The following SDK2 variants were observed in gnomAD, a reference collection of about 807,000 sequenced individuals.
The protein encoded by SDK2 is protein sidekick-2.
A neutral mutation model predicts 253.9 loss-of-function variants in SDK2; 105 were observed. The observed-to-expected ratio is 0.41, with a 90% confidence interval of 0.35 to 0.49. The LOEUF (loss-of-function observed/expected upper bound fraction) is 0.49. SDK2 is among the 20% of genes least tolerant of loss of function. The probability of loss-of-function intolerance (pLI) is 0.06; values close to 1 mark genes in which losing one functional copy is unlikely to be tolerated. For synonymous variants in SDK2, 1,249 were observed against 1,234.9 expected, an observed-to-expected ratio of 1.01 and a Z score of -0.24; for missense variants, 2,608 against 3,003.0, an observed-to-expected ratio of 0.87 and a Z score of 3.07.
rs1033379565 is a variant in SDK2 at position 73,570,138 on chromosome 17, G to A, written c.65-62541C>T. On this transcript the variant is annotated intron_variant, in intron 1 of 44. Transcript: ENST00000392650. This position sits in a 1 kb window ranked among gnomAD's most constrained non-coding sequence, Gnocchi z 4.2. ...GGCCCCCCAGAGCCCCTCTTGGGGAGAGACTGGGACTGCTGAGCTTGGTGG... is the reference window on the plus strand; with the variant it reads ...GGCCCCCCAGAGCCCCTCTTGGGGAAAGACTGGGACTGCTGAGCTTGGTGG... 6.6e-6 allele frequency among the ~76,000 whole-genome samples: 1 copy of A among 152,106 alleles called. No individual in the cohort carries two copies. The highest frequency in any genetic ancestry group is 1.5e-5 in the Non-Finnish European group (1 of 68,008).
intron 1 of SDK2, among the ~76,000 whole-genome samples, chr17:73,593,727 G>T (rs1314192497): frequency 6.6e-6 from 1 of 152,230 alleles, no homozygotes; most frequent in Non-Finnish European, 1.5e-5. Context: ...TAGGCAGAAG[G>T]CTTCCAGGAG....
Position 73,383,865 on chromosome 17 carries a change from G to C in SDK2, c.4705+11C>G. The C allele has an allele frequency of 1.2e-6, 2 of 1,613,886 alleles. No homozygotes were observed. The highest frequency in any genetic ancestry group is 8.5e-7 in the Non-Finnish European group (1 of 1,179,786). Reference sequence around the variant, plus strand: ...TCCCACCCATTCCTCTGGCTCCCAAGTGTCACTCACAGGTAAGCTCAGCCC... The same window carrying C: ...TCCCACCCATTCCTCTGGCTCCCAACTGTCACTCACAGGTAAGCTCAGCCC... On this transcript the variant is annotated intron_variant, in intron 33 of 44. Transcript: ENST00000392650. The surrounding 1 kb of genome is among the most constrained non-coding windows in gnomAD (Gnocchi z 4.3).
Position 73,431,365 on chromosome 17 carries a change from T to C in SDK2, c.1480+137A>G, listed in dbSNP as rs2063324234. ...ACTGTCCCTCTGATGAGAAGGGCCC[T>C]GACTGGGACAGACACTGGGGATGGA... On this transcript the variant is annotated intron_variant, in intron 11 of 44. Transcript: ENST00000392650. This position sits in a 1 kb window ranked among gnomAD's most constrained non-coding sequence, Gnocchi z 5.6. 4 of 828,402 alleles carry C rather than the reference T, an allele frequency of 4.8e-6. No individual in the cohort carries two copies. The highest frequency in any genetic ancestry group is 7.2e-6 in the Non-Finnish European group (4 of 553,286). The allele number at this position is 828,402 out of a possible 1,614,324, so 51.3% of individuals were successfully genotyped here. A position where few individuals can be genotyped will look rare whatever the true frequency, so the allele number is the denominator to read the frequency against.
Position 73,338,753 on chromosome 17 carries a change from C to A in SDK2, c.6353G>T (p.Ser2118Ile). The A allele has an allele frequency of 6.2e-7, 1 of 1,613,778 alleles. No homozygotes were observed. Among genetic ancestry groups the A allele is most frequent in the Non-Finnish European group, 8.5e-7 (1 of 1,179,832 alleles). Residue 2118 changes from serine to isoleucine, a missense_variant, in exon 45 of 45, where the codon AGC becomes ATC. By Grantham distance (142) the Ser-to-Ile change is moderately radical (BLOSUM62 -2). Around this residue, in one of 2 missense-constraint regions of SDK2, gnomAD observed 1,103 missense variants for 1,143.9 expected, o/e 0.96. Transcript: ENST00000392650. The surrounding 1 kb of genome is among the most constrained non-coding windows in gnomAD (Gnocchi z 5.0). ...GAGGCTGCCCTGCTGGGTGCTGGTG[C>A]TGTTGGTGACGGTGGTGTGGTCTGG... is the stretch of plus-strand genomic sequence containing the variant. ...GEPDHTTVTN[S>I]TSTQQGSLFR...
chr17:73,354,872 T>G (rs974918545), intron 40 of SDK2, among the ~76,000 whole-genome samples: 82 of 152,154 alleles, frequency 5.4e-4, no homozygotes, highest in African/African-American at 1.9e-3. Context: ...TCCCCAGGGC[T>G]GATGGTTTTG....
chr17:73,483,701 ATATATATTTTTTT>A (rs2063752358), intron 2 of SDK2, among the ~76,000 whole-genome samples: 2 of 63,118 alleles, frequency 3.2e-5, no homozygotes, highest in South Asian at 5.6e-4. Context: ...ATATATATAT[ATATATATTTTTTT>A]TTTTTTTTAG....
chr17:73,588,106 C>T (rs1473368114), intron 1 of SDK2, among the ~76,000 whole-genome samples: 1 of 152,048 alleles, frequency 6.6e-6, no homozygotes, highest in Non-Finnish European at 1.5e-5. Flanking sequence ...GGCGCGGTGG[C>T]TCACGCCTGT....
chr17:73,393,701 C>T lies in SDK2; in HGVS notation c.3757G>A (p.Val1253Met). 6.3e-7 allele frequency: 1 copy of T among 1,592,580 alleles called. No individual in the cohort carries two copies. The highest frequency in any genetic ancestry group is 1.3e-5 in the African/African-American group (1 of 74,754). Reference sequence around the variant, plus strand: ...GCACTGCGAGACGAGTTGCCTTCCACCAGCCAGAATCGGGGCTGGGTGTCC... The same window carrying T: ...GCACTGCGAGACGAGTTGCCTTCCATCAGCCAGAATCGGGGCTGGGTGTCC... Reference protein sequence around the residue: ...DSDTQPRFWLVEGNSSRSAQL... With the variant: ...DSDTQPRFWLMEGNSSRSAQL... Residue 1253 changes from valine to methionine, a missense_variant, in exon 27 of 45, where the codon GTG becomes ATG. Val to Met is a conservative substitution (Grantham distance 21). This residue lies in a region of SDK2 where 1,505 missense variants were observed against 1,859.1 expected (regional missense o/e 0.81). Coordinates refer to ENST00000392650, the MANE Select transcript of SDK2 (RefSeq NM_001144952.2).
At chr17:73,529,644 G>A (rs2064153934) in intron 1 of SDK2, among the ~76,000 whole-genome samples, 1 of 152,130 alleles carries the variant, frequency 6.6e-6, no homozygotes, top group African/African-American at 2.4e-5. Flanking sequence ...AAGAAGACCA[G>A]GTGAAGCCAC....
intron 1 of SDK2, among the ~76,000 whole-genome samples, chr17:73,545,296 G>A (rs562734916): frequency 1.2e-3 from 190 of 152,184 alleles, no homozygotes; most frequent in African/African-American, 4.3e-3. Flanking sequence ...CGAGCCTGCC[G>A]CCCTGCTTCT....
At chr17:73,566,319 A>ATGTGTGTG (rs55940592) in intron 1 of SDK2, among the ~76,000 whole-genome samples, 109 of 139,410 alleles carry the variant, frequency 7.8e-4, no homozygotes, top group Middle Eastern at 3.5e-3. Flanking sequence ...TTATATATAT[A>ATGTGTGTG]TGTGTGTGTG....
At chr17:73,542,669 G>A (rs373410423) in intron 1 of SDK2, among the ~76,000 whole-genome samples, 73 of 152,308 alleles carry the variant, frequency 4.8e-4, no homozygotes, top group African/African-American at 1.4e-3. Flanking sequence ...GGAAGGGCCA[G>A]CCACGGAGAG....
intron 1 of SDK2, among the ~76,000 whole-genome samples, chr17:73,550,949 A>G (rs1311242342): frequency 6.6e-6 from 1 of 152,164 alleles, no homozygotes; most frequent in East Asian, 1.9e-4. Flanking sequence ...GAGAGACCCC[A>G]GCTTCTCTCC....
At chr17:73,613,144 T>C (rs1046897505) in intron 1 of SDK2, among the ~76,000 whole-genome samples, 2 of 152,092 alleles carry the variant, frequency 1.3e-5, no homozygotes, top group South Asian at 2.1e-4. Context: ...CAGGAGACTT[T>C]CTCCTGCAGC....
intron 1 of SDK2, among the ~76,000 whole-genome samples, chr17:73,508,589 C>T (rs911272622): frequency 4.6e-5 from 7 of 152,230 alleles, no homozygotes; most frequent in South Asian, 2.1e-4. Flanking sequence ...TGCTCTGTTC[C>T]GGGCTGTTCT....
Position 73,352,339 on chromosome 17 carries a change from G to A in SDK2, c.5758+134C>T, listed in dbSNP as rs111595834. 7.0e-6 allele frequency: 8 copies of A among 1,147,306 alleles called. No homozygotes were observed. Among genetic ancestry groups the A allele is most frequent in the South Asian group, 1.5e-5 (1 of 64,868 alleles). The allele number at this position is 1,147,306 out of a possible 1,614,324, so 71.1% of individuals were successfully genotyped here. ...CCAGCACTTGCCTCTTCACAGCCCC[G>A]AGGGGACAATGTGTTTTTGTTCCCG... is the stretch of plus-strand genomic sequence containing the variant. On this transcript the variant is annotated intron_variant, in intron 41 of 44. Coordinates refer to ENST00000392650, the MANE Select transcript of SDK2 (RefSeq NM_001144952.2). This position sits in a 1 kb window ranked among gnomAD's most constrained non-coding sequence, Gnocchi z 4.1.
In SDK2 at chr17:73,338,881, G is replaced by C. The variant is rs754008243; in HGVS notation, c.6225C>G (p.Asn2075Lys). The change falls in exon 45 of 45, where the codon AAC (asparagine) becomes AAG (lysine). Residue 2075 changes from asparagine to lysine, a missense_variant. Physicochemically the swap from Asn to Lys is moderately conservative, Grantham distance 94. Coordinates refer to ENST00000392650, the MANE Select transcript of SDK2 (RefSeq NM_001144952.2). The surrounding 1 kb of genome is among the most constrained non-coding windows in gnomAD (Gnocchi z 5.0). Reference sequence around the variant, plus strand: ...AGTATGTGGGGTCACTGATGTAGTGGTTGACAAAGGAGTGGGCCTTCTGGT... The same window carrying C: ...AGTATGTGGGGTCACTGATGTAGTGCTTGACAAAGGAGTGGGCCTTCTGGT... ...SNHQKAHSFV[N>K]HYISDPTYYN... The C allele has an allele frequency of 4.3e-6, 7 of 1,613,916 alleles. No individual in the cohort carries two copies. The South Asian group carries it at 7.7e-5, about 18-fold the overall frequency.
chr17:73,507,633 C>G, intron 1 of SDK2, 36 bp from the exon 2 acceptor site: 6 of 1,543,844 alleles, frequency 3.9e-6, no homozygotes, highest in Non-Finnish European at 5.3e-6. Flanking sequence ...CCAGTGATCA[C>G]TTGCTCACCT....
At chr17:73,406,577 A>G (rs2063081357) in intron 18 of SDK2, among the ~76,000 whole-genome samples, 1 of 152,156 alleles carries the variant, frequency 6.6e-6, no homozygotes, top group African/African-American at 2.4e-5. Flanking sequence ...AAAAAATGGA[A>G]GAAAAAACCA....
Sources: gnomAD v4.1 joint callset for allele counts (sites outside exome capture counted in the v4.1 genomes callset) on GRCh38, gnomAD v4.1.1 for gene constraint, gnomAD v4.1.1 regional missense constraint, Gnocchi (gnomAD v3.1) non-coding constraint, MANE v1.5 for transcripts, NCBI Gene and HGNC (gene_info 2026-07-23, HGNC 2026-07-21) for gene names.